MAPK10: variants seen among roughly 807,000 people sequenced by gnomAD.
MAPK10 encodes the protein mitogen-activated protein kinase 10.
A neutral mutation model predicts 59.3 loss-of-function variants in MAPK10; 25 were observed. That is an observed-to-expected ratio of 0.42 (90% confidence interval 0.31 to 0.59). The LOEUF is 0.59. MAPK10 is among the 20% of genes least tolerant of loss of function. MAPK10 has a pLI of 0.15. For missense variants in MAPK10, 351 were observed against 568.9 expected (o/e 0.62, Z 3.90); for synonymous variants, 190 against 200.5 (o/e 0.95, Z 0.44).
chr4:86,542,071 T>C (rs939204227), intron 1 of MAPK10, among the ~76,000 whole-genome samples: 19 of 152,184 alleles, frequency 1.2e-4, no homozygotes, highest in Non-Finnish European at 2.5e-4. Flanking sequence ...TTTTCTTCTA[T>C]GTTTCCAAGT....
At chr4:86,439,132 T>C (rs980234978) in intron 1 of MAPK10, among the ~76,000 whole-genome samples, 1 of 152,198 alleles carries the variant, frequency 6.6e-6, no homozygotes, top group Non-Finnish European at 1.5e-5. Context: ...AATTTACCTA[T>C]GGTAAAATTA....
intron 11 of MAPK10, among the ~76,000 whole-genome samples, chr4:86,061,593 G>A (rs1213123996): frequency 6.6e-6 from 1 of 152,004 alleles, no homozygotes; most frequent in Non-Finnish European, 1.5e-5. Flanking sequence ...GGTAGTTTGG[G>A]AAACATGATA....
intron 3 of MAPK10, among the ~76,000 whole-genome samples, chr4:86,174,086 G>A (rs139921129): frequency 0.085 from 12,921 of 152,082 alleles, 1,216 homozygotes; most frequent in African/African-American, 0.23. Flanking sequence ...ATCTAGAACC[G>A]GAAATACCAT....
intron 2 of MAPK10, among the ~76,000 whole-genome samples, chr4:86,337,445 A>C (rs990512844): frequency 4.1e-4 from 62 of 152,196 alleles, no homozygotes; most frequent in Admixed American, 3.3e-3. Context: ...GTCCAGAAGA[A>C]AGTATATAGT....
At chr4:86,305,451 G>C (rs1179749169) in intron 2 of MAPK10, among the ~76,000 whole-genome samples, 1 of 152,118 alleles carries the variant, frequency 6.6e-6, no homozygotes, top group Non-Finnish European at 1.5e-5. Flanking sequence ...AAACTATTAA[G>C]AATCTAAGAA....
chr4:86,108,808 A>C (rs1466458030), intron 4 of MAPK10, among the ~76,000 whole-genome samples: 1 of 152,204 alleles, frequency 6.6e-6, no homozygotes, highest in African/African-American at 2.4e-5. Context: ...TTCCATTATT[A>C]ACCATAATAT....
At position 86,056,089 on chromosome 4, in the gene MAPK10, G is replaced by T. The variant is rs142506288; in HGVS notation, c.1110+8177C>A. Among the ~76,000 whole-genome samples, 216 of 150,100 alleles carry T rather than the reference G, an allele frequency of 1.4e-3. 19 individuals carry two copies. Among genetic ancestry groups the T allele is most frequent in the African/African-American group, 5.3e-3 (211 of 40,188 alleles). On this transcript the variant is annotated intron_variant, in intron 11 of 13. Coordinates refer to ENST00000641462, the MANE Select transcript of MAPK10 (RefSeq NM_138982.4). ...GATATCACTCATCAAAGGAAAATGTGACTCACAAAGACTTTAATCCCCTTT... is the reference window on the plus strand; with the variant it reads ...GATATCACTCATCAAAGGAAAATGTTACTCACAAAGACTTTAATCCCCTTT...
chr4:86,335,198 T>C (rs1391212468), intron 2 of MAPK10: 1 of 152,176 alleles, frequency 6.6e-6, no homozygotes, highest in African/African-American at 2.4e-5. Flanking sequence ...GCTGAGATAA[T>C]CCCTGATACA....
At chr4:86,435,430 G>A (rs576847690) in intron 1 of MAPK10, among the ~76,000 whole-genome samples, 2 of 152,096 alleles carry the variant, frequency 1.3e-5, no homozygotes, top group East Asian at 3.9e-4. Flanking sequence ...CCAGGAGGCA[G>A]AGGTTGCAGT....
intron 2 of MAPK10, among the ~76,000 whole-genome samples, chr4:86,233,382 G>A (rs887475504): frequency 1.3e-5 from 2 of 152,074 alleles, no homozygotes; most frequent in Middle Eastern, 3.2e-3. Flanking sequence ...AGAAAAGCTA[G>A]TTTAAAAACA....
intron 1 of MAPK10, among the ~76,000 whole-genome samples, chr4:86,466,194 G>C (rs1033751743): frequency 4.6e-5 from 7 of 152,194 alleles, no homozygotes; most frequent in African/African-American, 1.7e-4. Flanking sequence ...GACCCAGTTA[G>C]AAATAATGAA....
At chr4:86,087,967 A>G (rs2052270492) in intron 9 of MAPK10, among the ~76,000 whole-genome samples, 1 of 152,170 alleles carries the variant, frequency 6.6e-6, no homozygotes, top group Non-Finnish European at 1.5e-5. Context: ...ATTACACATT[A>G]AAACCCCATT....
At chr4:86,264,888 CTTTT>C (rs397879051) in intron 2 of MAPK10, among the ~76,000 whole-genome samples, 7 of 95,276 alleles carry the variant, frequency 7.3e-5, no homozygotes, top group African/African-American at 2.2e-4. Flanking sequence ...TGGCCCTGGA[CTTTT>C]TTTTTTTTTT....
At chr4:86,207,476 A>G (rs1167414762) in intron 2 of MAPK10, among the ~76,000 whole-genome samples, 1 of 152,164 alleles carries the variant, frequency 6.6e-6, no homozygotes, top group Non-Finnish European at 1.5e-5. Context: ...GAAGTCAGGT[A>G]GCGTGATGCC....
At chr4:86,054,467 CA>C (rs1383518386) in intron 11 of MAPK10, among the ~76,000 whole-genome samples, 23 of 152,158 alleles carry the variant, frequency 1.5e-4, no homozygotes, top group African/African-American at 5.3e-4. Flanking sequence ...CTCTGGAAGG[CA>C]ATTAGTAAAC....
intron 1 of MAPK10, among the ~76,000 whole-genome samples, chr4:86,451,313 T>C (rs1750690308): frequency 6.6e-6 from 1 of 152,144 alleles, no homozygotes; most frequent in African/African-American, 2.4e-5. Context: ...TATTAGCAGT[T>C]CTGTGATGAA....
At chr4:86,515,885 GTT>G (rs56248461) in intron 1 of MAPK10, among the ~76,000 whole-genome samples, 4 of 142,106 alleles carry the variant, frequency 2.8e-5, no homozygotes, top group African/African-American at 8.4e-5. Context: ...TTTTGTTGTT[GTT>G]TTTTTTTTGT....
rs1298739558 is a variant in MAPK10 at position 86,014,255 on chromosome 4, T to G, written c.*2973A>C. The G allele has an allele frequency of 6.6e-6, 1 of 151,624 alleles. No individual in the cohort carries two copies. Among genetic ancestry groups the G allele is most frequent in the Non-Finnish European group, 1.5e-5 (1 of 68,018 alleles). 9.4% of individuals were successfully genotyped at this position (151,624 alleles called of 1,614,324 possible). On this transcript the variant is annotated 3_prime_UTR_variant, in exon 14 of 14. Coordinates refer to ENST00000641462, the MANE Select transcript of MAPK10 (RefSeq NM_138982.4). ...ACTTGACACTTGCCTACCGGAAAAG[T>G]TGGGATGTTCTTGGGAAATAACAGG...
rs141863366 is a variant in MAPK10 at position 86,257,453 on chromosome 4, T to A, written c.-6-63046A>T. Among the ~76,000 whole-genome samples, 772 of 152,338 alleles carry A rather than the reference T, an allele frequency of 5.1e-3. 4 individuals are homozygous for A. The highest frequency in any genetic ancestry group is 0.018 in the African/African-American group (736 of 41,574). ...GAATGTCTTAAATGTTGCTAAATCT[T>A]CCTTTGGGACTCACGTGATCCATTT... On this transcript the variant is annotated intron_variant, in intron 2 of 13. Transcript: ENST00000641462.
Sources: allele counts gnomAD v4.1 joint callset (sites outside exome capture counted in the v4.1 genomes callset), GRCh38; gene constraint gnomAD v4.1.1; transcripts MANE v1.5; gene names NCBI Gene and HGNC (gene_info 2026-07-23, HGNC 2026-07-21).